FAF1: variants seen among roughly 807,000 people sequenced by gnomAD.
FAF1 encodes the protein Fas associated factor 1.
FAF1 carries 25 observed loss-of-function variants against 92.5 expected under a neutral mutation model. The observed-to-expected ratio is 0.27, with a 90% CI of 0.20 to 0.38. The LOEUF (loss-of-function observed/expected upper bound fraction) is 0.38. FAF1 is among the 10% of genes least tolerant of loss of function. The pLI, the probability that FAF1 is intolerant of heterozygous loss-of-function variation, is 1.00. For missense variants in FAF1, 636 were observed against 793.3 expected (o/e 0.80, Z 2.38); for synonymous variants, 234 against 273.2 (o/e 0.86, Z 1.42).
intron 15 of FAF1, among the ~76,000 whole-genome samples, chr1:50,508,494 G>A (rs888809255): frequency 1.3e-5 from 2 of 152,170 alleles, no homozygotes; most frequent in Non-Finnish European, 2.9e-5. Context: ...GTCATATATT[G>A]TATGATTCCA....
Position 50,615,908 on chromosome 1 carries a change from TA to T in FAF1, c.745-19693del. ...TTTTGTTGCAACTGTTTTTGGGGAC[TA>T]AGCCAAAAAAATCTTTGCCAAGGCC... On this transcript the variant is annotated intron_variant, in intron 8 of 18. Transcript: ENST00000396153. 1.3e-5 allele frequency among the ~76,000 whole-genome samples: 2 copies of T among 152,306 alleles called. 1 individual carries two copies. The highest frequency in any genetic ancestry group is 4.1e-4 in the South Asian group (2 of 4,830).
chr1:50,635,243 T>C (rs1422028450), intron 8 of FAF1, among the ~76,000 whole-genome samples: 2 of 152,236 alleles, frequency 1.3e-5, no homozygotes, highest in African/African-American at 2.4e-5. Flanking sequence ...TAAAGGAAGA[T>C]AAAGGCACAT....
chr1:50,470,736 G>A (rs1461486536), intron 18 of FAF1: 2 of 152,282 alleles, frequency 1.3e-5, no homozygotes, highest in East Asian at 3.9e-4. Flanking sequence ...TTTCAAAGAT[G>A]CAGAAATAAA....
At chr1:50,828,215 G>C (rs1347930206) in intron 2 of FAF1, among the ~76,000 whole-genome samples, 1 of 149,890 alleles carries the variant, frequency 6.7e-6, no homozygotes, top group Non-Finnish European at 1.5e-5. Context: ...CTTGATTTAT[G>C]ACAAAGATGG....
At chr1:50,943,945 A>T (rs553950534) in intron 1 of FAF1, among the ~76,000 whole-genome samples, 1 of 152,336 alleles carries the variant, frequency 6.6e-6, no homozygotes, top group African/African-American at 2.4e-5. Context: ...AGGCATTGTC[A>T]AATTGTGTCG....
chr1:50,833,647 G>A (rs1644175558), intron 2 of FAF1, among the ~76,000 whole-genome samples: 1 of 151,908 alleles, frequency 6.6e-6, no homozygotes, highest in African/African-American at 2.4e-5. Context: ...TCTAATCAAG[G>A]CTTGTTCTTC....
rs901547617 is a variant in FAF1 at position 50,738,902 on chromosome 1, G to C, written c.512C>G (p.Thr171Arg). Residue 171 changes from threonine (T) to arginine (R), a missense_variant, in exon 6 of 19, where the codon ACA (threonine) becomes AGA (arginine). Coordinates refer to ENST00000396153, the MANE Select transcript of FAF1 (RefSeq NM_007051.3). ...LPKNNSLYVL[T>R]PDLPPPSSSS... ...TGATGAAGGTGGTGGCAAATCTGGT[G>C]TAAGGACATAAAGACTGTTGTTTTT... 24 of 1,610,314 alleles carry C rather than the reference G, an allele frequency of 1.5e-5. No homozygotes were observed. The highest frequency in any genetic ancestry group is 1.8e-5 in the Non-Finnish European group (21 of 1,177,854).
In FAF1 at chr1:50,849,262, G is replaced by A. The variant is rs190712841; in HGVS notation, c.114+8667C>T. 2.2e-4 allele frequency among the ~76,000 whole-genome samples: 32 copies of A among 144,702 alleles called. 2 individuals carry two copies. Among genetic ancestry groups the A allele is most frequent in the African/African-American group, 7.6e-4 (30 of 39,466 alleles). 94.9% of individuals were successfully genotyped at this position (144,702 alleles called of 152,430 possible). ...AGCCTAGGCGACAGAGTGAGACTCC[G>A]TCTCAAAAAAAAAAAAAAGAAAAAA... On this transcript the variant is annotated intron_variant, in intron 2 of 18. Coordinates refer to ENST00000396153, the MANE Select transcript of FAF1 (RefSeq NM_007051.3).
chr1:50,582,531 A>C, intron 12 of FAF1, 87 bp downstream of exon 12: 1 of 860,712 alleles, frequency 1.2e-6, no homozygotes, highest in Middle Eastern at 2.3e-4. Flanking sequence ...CAAAAACAAA[A>C]ACAGAAAACA....
At chr1:50,759,055 G>A (rs956566906) in intron 4 of FAF1, among the ~76,000 whole-genome samples, 6 of 151,956 alleles carry the variant, frequency 3.9e-5, no homozygotes, top group African/African-American at 1.5e-4. Flanking sequence ...TGTTAGCCAG[G>A]ATGGTCTCAA....
chr1:50,959,900 CG>C lies in FAF1; in HGVS notation c.-90del. The C allele has an allele frequency of 1.2e-6, 1 of 842,536 alleles. No individual in the cohort carries two copies. The highest frequency in any genetic ancestry group is 1.5e-6 in the Non-Finnish European group (1 of 660,222). 52.2% of individuals were successfully genotyped at this position (842,536 alleles called of 1,614,324 possible). A position where few individuals can be genotyped will look rare whatever the true frequency, so the allele number is the denominator to read the frequency against. On this transcript the variant is annotated 5_prime_UTR_variant, in exon 1 of 19. Transcript: ENST00000396153. ...CTGCGACCGTCGCCGCCACCGCCGC[CG>C]CCGCCGCCGGGCGCCGAGGGGCTGG...
intron 6 of FAF1, among the ~76,000 whole-genome samples, chr1:50,716,541 T>C (rs1658182674): frequency 6.6e-6 from 1 of 152,170 alleles, no homozygotes; most frequent in Admixed American, 6.5e-5. Flanking sequence ...ACTCTGTGTC[T>C]AGCTAGACAA....
intron 1 of FAF1, among the ~76,000 whole-genome samples, chr1:50,952,934 C>T (rs571149076): frequency 8.5e-4 from 130 of 152,184 alleles, no homozygotes; most frequent in Admixed American, 2.0e-3. Flanking sequence ...ATGACGATGG[C>T]GGTTTTGTCG....
chr1:50,845,965 A>G (rs1644295374), intron 2 of FAF1, among the ~76,000 whole-genome samples: 2 of 152,040 alleles, frequency 1.3e-5, no homozygotes. Context: ...TCTACTAAAA[A>G]TACAAAAAAT....
intron 9 of FAF1, among the ~76,000 whole-genome samples, chr1:50,585,616 A>G (rs1651188996): frequency 6.6e-6 from 1 of 152,190 alleles, no homozygotes; most frequent in Non-Finnish European, 1.5e-5. Flanking sequence ...TTAGGTAAGA[A>G]GACGGTCCAA....
intron 7 of FAF1, among the ~76,000 whole-genome samples, chr1:50,662,309 T>C (rs1419737597): frequency 6.6e-6 from 1 of 152,238 alleles, no homozygotes; most frequent in Non-Finnish European, 1.5e-5. Context: ...AAAAATCTTT[T>C]GCCTCTAAAT....
chr1:50,649,230 GC>G (rs933919006), intron 8 of FAF1, among the ~76,000 whole-genome samples: 17 of 151,434 alleles, frequency 1.1e-4, no homozygotes, highest in African/African-American at 4.1e-4. Context: ...ATCTCTCACT[GC>G]AACCTCCGCC....
intron 6 of FAF1, among the ~76,000 whole-genome samples, chr1:50,733,614 C>T (rs866740173): frequency 7.9e-5 from 12 of 152,174 alleles, no homozygotes; most frequent in African/African-American, 2.9e-4. Context: ...AGTTCTCTCT[C>T]TCTCCTCTCT....
At chr1:50,611,266 G>C (rs984028227) in intron 8 of FAF1, among the ~76,000 whole-genome samples, 3 of 152,272 alleles carry the variant, frequency 2.0e-5, no homozygotes, top group African/African-American at 7.2e-5. Flanking sequence ...TAGGGAGAAA[G>C]AATTTTCTTC....
Sources: allele counts gnomAD v4.1 joint callset (sites outside exome capture counted in the v4.1 genomes callset), GRCh38; gene constraint gnomAD v4.1.1; transcripts MANE v1.5; gene names NCBI Gene and HGNC (gene_info 2026-07-23, HGNC 2026-07-21).